The following SPINK5 variants were observed in gnomAD, a reference collection of about 807,000 sequenced individuals.
SPINK5 encodes serine peptidase inhibitor Kazal type 5.
A neutral mutation model predicts 151.8 loss-of-function variants in SPINK5; 125 were observed. That is an observed-to-expected ratio of 0.82 (90% CI 0.71 to 0.96). The LOEUF (loss-of-function observed/expected upper bound fraction) is 0.96. SPINK5 is among the 40% of genes least tolerant of loss of function. The probability of loss-of-function intolerance (pLI) is 0.00; values close to 1 mark genes in which losing one functional copy is unlikely to be tolerated. For missense variants in SPINK5, 1,194 were observed against 1,291.9 expected, an observed-to-expected ratio of 0.92 and a Z score of 1.16; for synonymous variants, 374 against 395.3, an observed-to-expected ratio of 0.95 and a Z score of 0.64.
chr5:148,075,099 G>C (rs1293146801), intron 4 of SPINK5, among the ~76,000 whole-genome samples: 1 of 151,238 alleles, frequency 6.6e-6, no homozygotes, highest in Non-Finnish European at 1.5e-5. Context: ...ATTGGTAAAG[G>C]ATCCAGACTT....
intron 4 of SPINK5, among the ~76,000 whole-genome samples, chr5:148,077,020 T>C (rs1432372879): frequency 6.6e-6 from 1 of 151,144 alleles, no homozygotes; most frequent in African/African-American, 2.4e-5. Flanking sequence ...ATACCACAAA[T>C]AGAGGTGAGA....
At chr5:148,088,424 A>G (rs990853688) in intron 5 of SPINK5, 118 bp from the exon 6 acceptor site, 1 of 822,444 alleles carries the variant, frequency 1.2e-6, no homozygotes, top group African/African-American at 1.7e-5. Flanking sequence ...AAATAATACT[A>G]TGTGGCAGCT....
intron 10 of SPINK5, among the ~76,000 whole-genome samples, chr5:148,096,820 G>A (rs1753480552): frequency 6.8e-6 from 1 of 146,838 alleles, no homozygotes; most frequent in African/African-American, 2.5e-5. Flanking sequence ...GTGTAGTGGT[G>A]GGATCATGGC....
chr5:148,116,580 G>A (rs1754099309), intron 22 of SPINK5, 114 bp downstream of exon 22: 1 of 1,054,564 alleles, frequency 9.5e-7, no homozygotes, highest in Non-Finnish European at 1.5e-6. Context: ...TGAGAGAACA[G>A]AGAAGTTTCT....
At chr5:148,071,971 T>C (rs1013588676) in intron 3 of SPINK5, among the ~76,000 whole-genome samples, 177 bp from the exon 4 acceptor site, 1 of 152,062 alleles carries the variant, frequency 6.6e-6, no homozygotes, top group Non-Finnish European at 1.5e-5. Flanking sequence ...GTTCGAGATA[T>C]TTTTCAATGT....
intron 13 of SPINK5, among the ~76,000 whole-genome samples, chr5:148,100,806 G>T (rs1249420897): frequency 1.3e-5 from 2 of 152,308 alleles, no homozygotes; most frequent in Non-Finnish European, 1.5e-5. Context: ...AAATATTCAA[G>T]TAGTTTTGTC....
chr5:148,109,857 C>T (rs991782431), intron 18 of SPINK5, among the ~76,000 whole-genome samples: 1 of 152,140 alleles, frequency 6.6e-6, no homozygotes, highest in Admixed American at 6.6e-5. Context: ...AATCAAGGTC[C>T]TTGTAGTGTC....
At chr5:148,114,323 A>T (rs781195541) in intron 20 of SPINK5, 39 bp from the exon 21 acceptor site, 2 of 1,597,884 alleles carry the variant, frequency 1.3e-6, no homozygotes, top group Admixed American at 3.4e-5. Flanking sequence ...CTAATTTCCC[A>T]GAAGATACTC....
rs184390299 is a variant in SPINK5, at chr5:148,098,577, A to G, written c.1010+583A>G. On this transcript the variant is annotated intron_variant, in intron 11 of 32. Transcript: ENST00000256084. ...ATTGACAACTACATATGGTTGAAAT[A>G]TCATCAGTTAACTGTACATACTGTG... Among the ~76,000 whole-genome samples the G allele has an allele frequency of 1.4e-3, 209 of 149,824 alleles. 2 individuals carry two copies. Among genetic ancestry groups the G allele is most frequent in the Non-Finnish European group, 2.2e-3 (151 of 67,994 alleles).
chr5:148,126,979 C>T lies in SPINK5; in HGVS notation c.2868-4C>T, dbSNP rs1195775296. 1 of 1,605,588 alleles carries T rather than the reference C, an allele frequency of 6.2e-7. No individual in the cohort carries two copies. Among genetic ancestry groups the T allele is most frequent in the East Asian group, 2.2e-5 (1 of 44,786 alleles). On this transcript the variant is annotated splice_region_variant and splice_polypyrimidine_tract_variant and intron_variant, in intron 29 of 32. Transcript: ENST00000256084. Reference sequence around the variant, plus strand: ...TTTAAATTATTTTTTATTTTCTTCTCTAGTCTAACAGAAGCTTTGGAAAGG... The same window carrying T: ...TTTAAATTATTTTTTATTTTCTTCTTTAGTCTAACAGAAGCTTTGGAAAGG...
At chr5:148,125,502 T>C in intron 28 of SPINK5, 1 of 1,607,056 alleles carries the variant, frequency 6.2e-7, no homozygotes, top group Non-Finnish European at 8.5e-7. Context: ...AGTGTTGTTT[T>C]ATGTTTCCCT....
At chr5:148,073,814 T>TCACACA (rs67549762) in intron 4 of SPINK5, among the ~76,000 whole-genome samples, 334 of 113,794 alleles carry the variant, frequency 2.9e-3, no homozygotes, top group African/African-American at 9.0e-3. Context: ...TATGCCTGAG[T>TCACACA]CACACACACA....
intron 4 of SPINK5, among the ~76,000 whole-genome samples, chr5:148,079,789 A>G (rs1119786): frequency 3.2e-4 from 49 of 151,328 alleles, no homozygotes; most frequent in African/African-American, 1.1e-3. Flanking sequence ...AAAACCTACA[A>G]CTAACATTAT....
intron 21 of SPINK5, among the ~76,000 whole-genome samples, 183 bp from the exon 22 acceptor site, chr5:148,116,185 CCT>C (rs1462414106): frequency 6.6e-6 from 1 of 152,134 alleles, no homozygotes; most frequent in East Asian, 1.9e-4. Context: ...TGAGACCCTT[CCT>C]GGCAAAGGAC....
At chr5:148,107,814 C>T (rs180723812) in intron 17 of SPINK5, among the ~76,000 whole-genome samples, 1 of 152,184 alleles carries the variant, frequency 6.6e-6, no homozygotes, top group Admixed American at 6.5e-5. Context: ...ACAGCTCCAT[C>T]GTGTGGGACA....
chr5:148,090,943 CAG>C, intron 7 of SPINK5: 1 of 553,612 alleles, frequency 1.8e-6, no homozygotes, highest in Admixed American at 3.2e-5. Flanking sequence ...AGCTAATTTA[CAG>C]AAAGCAAGTT....
chr5:148,131,843 A>C (rs1754581115), intron 31 of SPINK5, among the ~76,000 whole-genome samples: 1 of 152,192 alleles, frequency 6.6e-6, no homozygotes, highest in Admixed American at 6.5e-5. Context: ...TCTTGAAAGA[A>C]GTAGTACCTT....
intron 4 of SPINK5, among the ~76,000 whole-genome samples, chr5:148,078,962 G>T (rs1752952887): frequency 6.6e-6 from 1 of 150,586 alleles, no homozygotes; most frequent in Admixed American, 6.6e-5. Context: ...ACAAATAATA[G>T]AAAAAATTAA....
intron 27 of SPINK5, 25 bp from the exon 28 acceptor site, chr5:148,124,740 A>G: frequency 1.4e-6 from 2 of 1,413,618 alleles, no homozygotes; most frequent in South Asian, 1.3e-5. Flanking sequence ...AAATTACCCT[A>G]TCTTTTTTTT....
Sources: allele counts gnomAD v4.1 joint callset (sites outside exome capture counted in the v4.1 genomes callset), GRCh38; gene constraint gnomAD v4.1.1; transcripts MANE v1.5; gene names NCBI Gene and HGNC (gene_info 2026-07-23, HGNC 2026-07-21).